SLC25A36: variants seen among roughly 807,000 people sequenced by gnomAD.
The protein encoded by SLC25A36 is epididymis secretory sperm binding protein.
In SLC25A36, 24 loss-of-function variants were observed where a neutral mutation model predicts 35.3. The ratio of observed to expected loss-of-function variants is 0.68; its 90% CI spans 0.49 to 0.96. The LOEUF (loss-of-function observed/expected upper bound fraction) is 0.96, where lower values mean the gene tolerates loss of function less well. Among genes scored for constraint, SLC25A36 ranks in the 40% least tolerant of loss-of-function variants. SLC25A36 has a pLI of 0.00. For synonymous variants in SLC25A36, 141 were observed against 132.2 expected (o/e 1.07, Z -0.46); for missense variants, 294 against 381.1 (o/e 0.77, Z 1.90).
chr3:140,969,085 A>G (rs1357457595), intron 4 of SLC25A36, among the ~76,000 whole-genome samples: 3 of 151,852 alleles, frequency 2.0e-5, no homozygotes, highest in Non-Finnish European at 1.5e-5. Context: ...AACAAGAATC[A>G]TTAAATTGGA....
chr3:140,953,178 A>G (rs1485306643), intron 1 of SLC25A36, among the ~76,000 whole-genome samples: 1 of 152,194 alleles, frequency 6.6e-6, no homozygotes, highest in African/African-American at 2.4e-5. Context: ...CTCTTATCTA[A>G]GTAAATTTAT....
chr3:140,976,391 A>AT lies in SLC25A36; in HGVS notation c.876dup (p.Pro293SerfsTer11). 6.2e-7 allele frequency: 1 copy of AT among 1,613,866 alleles called. No individual in the cohort carries two copies. The highest frequency in any genetic ancestry group is 1.1e-5 in the South Asian group (1 of 91,036). Reference sequence around the variant, plus strand: ...TCTGACAACTCATCTAGTGAGACAGATTCCAAACACAGCCATTATGATGGC... The same window carrying AT: ...TCTGACAACTCATCTAGTGAGACAGATTTCCAAACACAGCCATTATGATGGC... On this transcript the variant is annotated frameshift_variant, in exon 7 of 7. Transcript: ENST00000324194. LOFTEE classifies it high-confidence loss of function.
intron 4 of SLC25A36, chr3:140,965,969 T>C (rs1213189161): frequency 6.6e-6 from 1 of 151,914 alleles, no homozygotes; most frequent in Non-Finnish European, 1.5e-5. Context: ...AAAGATTTTA[T>C]CTGGCATGTA....
In SLC25A36 at chr3:140,948,428, C is replaced by G. The variant is rs192830347; in HGVS notation, c.41+6333C>G. Among the ~76,000 whole-genome samples the G allele has an allele frequency of 6.6e-4, 100 of 152,124 alleles. 1 individual carries two copies. Among genetic ancestry groups the G allele is most frequent in the African/African-American group, 2.3e-3 (95 of 41,498 alleles). On this transcript the variant is annotated intron_variant, in intron 1 of 6. Transcript: ENST00000324194. ...CCATCTCCTGACCTCATGATCTGCC[C>G]ACCTCGGCCTCCCAAAGTGCTGGGA...
At chr3:140,947,945 G>GT (rs1262124512) in intron 1 of SLC25A36, among the ~76,000 whole-genome samples, 10 of 150,566 alleles carry the variant, frequency 6.6e-5, no homozygotes, top group African/African-American at 2.5e-4. Context: ...GAGTCTACGT[G>GT]GTTTTTTTAA....
intron 1 of SLC25A36, among the ~76,000 whole-genome samples, 166 bp from the exon 2 acceptor site, chr3:140,956,361 A>G (rs528345785): frequency 6.6e-6 from 1 of 152,340 alleles, no homozygotes; most frequent in African/African-American, 2.4e-5. Flanking sequence ...TATGAAATCA[A>G]ATAATGGAAT....
intron 2 of SLC25A36, among the ~76,000 whole-genome samples, chr3:140,959,015 T>TTTTG: frequency 6.8e-6 from 1 of 146,356 alleles, no homozygotes; most frequent in Non-Finnish European, 1.5e-5. Context: ...TGTGTTTTCT[T>TTTTG]TTTCTTTTTT....
At chr3:140,958,489 T>G (rs1021131260) in intron 2 of SLC25A36, among the ~76,000 whole-genome samples, 2 of 152,252 alleles carry the variant, frequency 1.3e-5, no homozygotes, top group Non-Finnish European at 2.9e-5. Context: ...GGGCCTCGCC[T>G]TCTTTTTTCT....
At chr3:140,950,918 C>CTGTGTGTCTG (rs1553726051) in intron 1 of SLC25A36, among the ~76,000 whole-genome samples, 95 of 136,462 alleles carry the variant, frequency 7.0e-4, no homozygotes, top group African/African-American at 2.5e-3. Context: ...GTCTGTGTGT[C>CTGTGTGTCTG]TGTGTGTGTG....
At chr3:140,962,076 A>G (rs1402823003) in intron 3 of SLC25A36, among the ~76,000 whole-genome samples, 1 of 151,878 alleles carries the variant, frequency 6.6e-6, no homozygotes, top group Non-Finnish European at 1.5e-5. Context: ...GCCTATATAT[A>G]TTTCATGGCC....
At position 140,976,622 on chromosome 3, in the gene SLC25A36, C is replaced by A; in HGVS notation, c.*169C>A. 2.6e-6 allele frequency: 1 copy of A among 379,230 alleles called. No individual in the cohort carries two copies. The highest frequency in any genetic ancestry group is 4.2e-6 in the Non-Finnish European group (1 of 235,462). 23.5% of individuals were successfully genotyped at this position (379,230 alleles called of 1,614,324 possible). A position where few individuals can be genotyped will look rare whatever the true frequency, so the allele number is the denominator to read the frequency against. On this transcript the variant is annotated 3_prime_UTR_variant, in exon 7 of 7. Transcript: ENST00000324194. ...ATAGTAATCACACCACATTACTTGG[C>A]CTTTCGGTAATGTGAAAAAAAAAAA... is the stretch of plus-strand genomic sequence containing the variant.
rs1310982365 is a variant in SLC25A36, at chr3:140,979,580, C to CA, written c.*3129dup. The CA allele has an allele frequency of 6.6e-6, 1 of 152,138 alleles. No individual in the cohort carries two copies. The highest frequency in any genetic ancestry group is 1.5e-5 in the Non-Finnish European group (1 of 68,000). 9.4% of individuals were successfully genotyped at this position (152,138 alleles called of 1,614,324 possible). On this transcript the variant is annotated 3_prime_UTR_variant, in exon 7 of 7. Transcript: ENST00000324194. ...TTGAGGAATTTTAATACATAAAATA[C>CA]AATGTACAAACTTTCTGCCCACTCA...
In SLC25A36 at chr3:140,968,688, A is replaced by T; in HGVS notation, c.386-2239A>T. On this transcript the variant is annotated intron_variant, in intron 4 of 6. Transcript: ENST00000324194. ...ATATATGGGTTTTTTTCCAGCCTCA[A>T]ATTCTTTTGTGACTTGGAAGAGTAT... The T allele has an allele frequency of 3.0e-6, 3 of 983,852 alleles. No homozygotes were observed. In the South Asian group the frequency reaches 1.4e-4, roughly 46 times the overall value. The allele number at this position is 983,852 out of a possible 1,614,324, so 60.9% of individuals were successfully genotyped here.
rs571370426 is a variant in SLC25A36, at chr3:140,965,815, C to T, written c.385+2588C>T. 9 of 151,668 alleles carry T rather than the reference C, an allele frequency of 5.9e-5. No homozygotes were observed. In the South Asian group the frequency reaches 1.9e-3, roughly 31 times the overall value. 9.4% of individuals were successfully genotyped at this position (151,668 alleles called of 1,614,324 possible). On this transcript the variant is annotated intron_variant, in intron 4 of 6. Coordinates refer to ENST00000324194, the MANE Select transcript of SLC25A36 (RefSeq NM_001104647.3). ...ATGACCTTTGACAGACTAAGTATAT[C>T]TCAGCTATTGAGGGTATCTGTTTTG...
rs1576487650 is a variant in SLC25A36, at chr3:140,970,680, T to C, written c.386-247T>C. 6 of 297,514 alleles carry C rather than the reference T, an allele frequency of 2.0e-5. No individual in the cohort carries two copies. In the East Asian group the frequency reaches 4.1e-4, roughly 20 times the overall value. The allele number at this position is 297,514 out of a possible 1,614,324, so 18.4% of individuals were successfully genotyped here. A position where few individuals can be genotyped will look rare whatever the true frequency, so the allele number is the denominator to read the frequency against. The stretch of plus-strand genomic sequence containing the variant: ...ACCCTAAAGGATATTCTAAGTAGGT[T>C]GGGAAAGCAATTTATATTCATTTTG... On this transcript the variant is annotated intron_variant, in intron 4 of 6. Transcript: ENST00000324194.
At chr3:140,946,487 C>T (rs1360742229) in intron 1 of SLC25A36, among the ~76,000 whole-genome samples, 1 of 152,052 alleles carries the variant, frequency 6.6e-6, no homozygotes, top group Non-Finnish European at 1.5e-5. Context: ...GGGACAGGGG[C>T]AGAAGTAGGG....
Position 140,956,523 on chromosome 3 carries a change from TTAG to T in SLC25A36, c.42-3_42-1del. ...GCTGTGTTCTTTTTTTTTTTTTTTTTTAGATGTGGTGGTACAGTGGGAGCTATT... is the reference window on the plus strand; with the variant it reads ...GCTGTGTTCTTTTTTTTTTTTTTTTTATGTGGTGGTACAGTGGGAGCTATT... On this transcript the variant is annotated splice_acceptor_variant and splice_polypyrimidine_tract_variant and intron_variant, in intron 1 of 6. Transcript: ENST00000324194. LOFTEE classifies it high-confidence loss of function. 6.5e-7 allele frequency: 1 copy of T among 1,542,280 alleles called. No homozygotes were observed. The highest frequency in any genetic ancestry group is 8.7e-7 in the Non-Finnish European group (1 of 1,152,550).
chr3:140,968,917 A>G (rs1435433873), intron 4 of SLC25A36, among the ~76,000 whole-genome samples: 3 of 151,842 alleles, frequency 2.0e-5, no homozygotes, highest in Non-Finnish European at 4.4e-5. Flanking sequence ...ATAAAAAGCA[A>G]ATAGTTTTTC....
At chr3:140,968,548 T>A in intron 4 of SLC25A36, 2 of 948,748 alleles carry the variant, frequency 2.1e-6, no homozygotes, top group Non-Finnish European at 2.5e-6. Flanking sequence ...GTTTGCTTTC[T>A]GACATTATAG....
Sources: allele counts gnomAD v4.1 joint callset (sites outside exome capture counted in the v4.1 genomes callset), GRCh38; gene constraint gnomAD v4.1.1; transcripts MANE v1.5; gene names NCBI Gene and HGNC (gene_info 2026-07-23, HGNC 2026-07-21).